GALNT14: variants seen among roughly 807,000 people sequenced by gnomAD.
GALNT14 encodes the protein polypeptide N-acetylgalactosaminyltransferase 14.
Under a neutral mutation model 77.5 loss-of-function variants are expected in GALNT14, and 60 were observed. That is an observed-to-expected ratio of 0.77 (90% confidence interval 0.63 to 0.96). The LOEUF (loss-of-function observed/expected upper bound fraction) is 0.96. GALNT14 is among the 40% of genes least tolerant of loss of function. The pLI is 0.00. For missense variants in GALNT14, 710 were observed against 731.0 expected, an observed-to-expected ratio of 0.97 and a Z score of 0.33; for synonymous variants, 280 against 281.7, an observed-to-expected ratio of 0.99 and a Z score of 0.06.
the GALNT14 span, among the ~76,000 whole-genome samples, chr2:30,904,754 A>G: frequency 4.6e-5 from 7 of 152,366 alleles, no homozygotes; most frequent in South Asian, 2.1e-4. Context: ...CACCTCTGGG[A>G]GCAGGGCACA....
At chr2:30,938,331 A>G (rs1666179280) in intron 9 of GALNT14, among the ~76,000 whole-genome samples, 1 of 149,882 alleles carries the variant, frequency 6.7e-6, no homozygotes, top group South Asian at 2.1e-4. Flanking sequence ...ACACACACAG[A>G]CTTTATACTA....
the GALNT14 span, among the ~76,000 whole-genome samples, chr2:30,901,940 T>C: frequency 6.6e-6 from 1 of 152,178 alleles, no homozygotes; most frequent in African/African-American, 2.4e-5. Context: ...TTTTTTGTTG[T>C]CATAGGCTGA....
At position 30,997,464 on chromosome 2, in the gene GALNT14, C is replaced by T. The variant is rs551727738; in HGVS notation, c.130-4457G>A. Among the ~76,000 whole-genome samples, 152 of 152,308 alleles carry T rather than the reference C, an allele frequency of 1.0e-3. 1 individual carries two copies. Among genetic ancestry groups the T allele is most frequent in the African/African-American group, 3.6e-3 (149 of 41,566 alleles). Reference sequence around the variant, plus strand: ...CACATGCTCACCTTCCCACACTTCCCTGGTACAGGAAGTGATACGTCCCGG... The same window carrying T: ...CACATGCTCACCTTCCCACACTTCCTTGGTACAGGAAGTGATACGTCCCGG... On this transcript the variant is annotated intron_variant, in intron 1 of 14. Coordinates refer to ENST00000349752, the MANE Select transcript of GALNT14 (RefSeq NM_024572.4).
intron 13 of GALNT14, among the ~76,000 whole-genome samples, chr2:30,921,623 C>T (rs1446098725): frequency 2.0e-5 from 3 of 152,118 alleles, no homozygotes; most frequent in Non-Finnish European, 2.9e-5. Context: ...TAGGAGCCAT[C>T]GATGTCTGTG....
Position 31,078,011 on chromosome 2 carries a change from C to T in GALNT14, c.129+59947G>A, listed in dbSNP as rs147858821. On this transcript the variant is annotated intron_variant, in intron 1 of 14. Coordinates refer to ENST00000349752, the MANE Select transcript of GALNT14 (RefSeq NM_024572.4). ...GCCAGGCCAAGAGGCTAGAGCAAGT[C>T]GGAAGAAAACAGCTTAAGTCAGAAG... Among the ~76,000 whole-genome samples the T allele has an allele frequency of 1.4e-3, 207 of 152,268 alleles. 1 individual carries two copies. The highest frequency in any genetic ancestry group is 4.6e-3 in the African/African-American group (193 of 41,552).
intron 1 of GALNT14, among the ~76,000 whole-genome samples, chr2:31,131,705 T>A (rs1414503663): frequency 6.6e-6 from 1 of 152,110 alleles, no homozygotes; most frequent in Non-Finnish European, 1.5e-5. Context: ...TCAGATGGCA[T>A]GAAAACCAAG....
At chr2:31,057,293 T>TTTTA (rs1553368997) in intron 1 of GALNT14, among the ~76,000 whole-genome samples, 3 of 128,984 alleles carry the variant, frequency 2.3e-5, no homozygotes, top group Non-Finnish European at 3.2e-5. Flanking sequence ...AAAGTTGAAA[T>TTTTA]TATATATATA....
At position 31,062,906 on chromosome 2, in the gene GALNT14, G is replaced by C. The variant is rs371678657; in HGVS notation, c.130-69899C>G. ...TATTCTTCACCCACTTTTTGATAGG[G>C]TTGTTTGGTTTTACTCTTGTAAATT... On this transcript the variant is annotated intron_variant, in intron 1 of 14. Transcript: ENST00000349752. 2.6e-5 allele frequency among the ~76,000 whole-genome samples: 4 copies of C among 152,208 alleles called. No homozygotes were observed. The East Asian group carries it at 7.7e-4, about 29-fold the overall frequency.
At chr2:30,950,817 C>A (rs562408484) in intron 6 of GALNT14, among the ~76,000 whole-genome samples, 1 of 152,236 alleles carries the variant, frequency 6.6e-6, no homozygotes, top group East Asian at 1.9e-4. Context: ...CATTCGGAAA[C>A]GAAGAGATGA....
the GALNT14 span, among the ~76,000 whole-genome samples, chr2:30,892,113 C>G: frequency 6.6e-6 from 1 of 152,216 alleles, no homozygotes; most frequent in East Asian, 1.9e-4. Flanking sequence ...AATCAGGACA[C>G]AGCATTTGCA....
At chr2:31,131,298 C>T (rs1453471283) in intron 1 of GALNT14, among the ~76,000 whole-genome samples, 1 of 152,170 alleles carries the variant, frequency 6.6e-6, no homozygotes, top group Non-Finnish European at 1.5e-5. Flanking sequence ...GGCTCACACC[C>T]AGCCCAGGAT....
intron 9 of GALNT14, among the ~76,000 whole-genome samples, chr2:30,937,563 C>T (rs1666128801): frequency 6.6e-6 from 1 of 152,190 alleles, no homozygotes; most frequent in Admixed American, 6.5e-5. Context: ...TCGGCTACTT[C>T]CATGTCGCCC....
intron 2 of GALNT14, among the ~76,000 whole-genome samples, chr2:30,980,140 CCT>C (rs1432500542): frequency 6.6e-6 from 1 of 152,238 alleles, no homozygotes; most frequent in African/African-American, 2.4e-5. Flanking sequence ...ACCCAGCCCA[CCT>C]TGTTCTCAGC....
At chr2:31,002,390 A>G (rs1247877650) in intron 1 of GALNT14, among the ~76,000 whole-genome samples, 1 of 151,986 alleles carries the variant, frequency 6.6e-6, no homozygotes, top group East Asian at 1.9e-4. Context: ...AGTTCATGCC[A>G]CTGCGCTCCA....
intron 1 of GALNT14, among the ~76,000 whole-genome samples, chr2:31,106,750 C>T (rs1200074480): frequency 1.3e-5 from 2 of 152,100 alleles, no homozygotes; most frequent in Non-Finnish European, 1.5e-5. Flanking sequence ...GGGTAATTTT[C>T]GTGGCTCTTG....
At chr2:31,050,717 T>C (rs990054000) in intron 1 of GALNT14, among the ~76,000 whole-genome samples, 2 of 152,006 alleles carry the variant, frequency 1.3e-5, no homozygotes, top group Admixed American at 6.6e-5. Context: ...GGAAACTCCC[T>C]AGTCTCTTTA....
chr2:30,960,328 G>A (rs1342220216), intron 3 of GALNT14, among the ~76,000 whole-genome samples: 4 of 152,298 alleles, frequency 2.6e-5, no homozygotes, highest in African/African-American at 9.6e-5. Context: ...GTTTGATTAC[G>A]GCTGTAGCTT....
chr2:30,961,023 CCTAA>C (rs1667660722), intron 3 of GALNT14, among the ~76,000 whole-genome samples: 1 of 152,214 alleles, frequency 6.6e-6, no homozygotes, highest in African/African-American at 2.4e-5. Context: ...CCTGCTGCAC[CCTAA>C]CTATTGGCCC....
At chr2:30,913,249 G>A (rs1664480941) in intron 13 of GALNT14, among the ~76,000 whole-genome samples, 1 of 152,088 alleles carries the variant, frequency 6.6e-6, no homozygotes, top group Admixed American at 6.6e-5. Flanking sequence ...CCTCCGTCTG[G>A]GGGCAAAGAT....
Sources: gnomAD v4.1 joint callset for allele counts (sites outside exome capture counted in the v4.1 genomes callset) on GRCh38, gnomAD v4.1.1 for gene constraint, MANE v1.5 for transcripts, NCBI Gene and HGNC (gene_info 2026-07-23, HGNC 2026-07-21) for gene names.